Variants in ITPR2 observed in about 807,000 individuals in gnomAD.
ITPR2 encodes inositol 1,4,5-trisphosphate receptor type 2.
ITPR2 carries 207 observed loss-of-function variants against 317.1 expected under a neutral mutation model. The observed-to-expected ratio is 0.65, with a 90% CI of 0.58 to 0.73. ITPR2 has a LOEUF of 0.73. Among genes scored for constraint, ITPR2 ranks in the 30% least tolerant of loss-of-function variants. ITPR2 has a pLI of 0.00. For missense variants in ITPR2, 2,613 were observed against 3,284.0 expected (o/e 0.80, Z 4.99); for synonymous variants, 1,156 against 1,149.1 (o/e 1.01, Z -0.12).
At chr12:26,365,841 C>T (rs1938991902) in intron 55 of ITPR2, among the ~76,000 whole-genome samples, 1 of 152,188 alleles carries the variant, frequency 6.6e-6, no homozygotes, top group Non-Finnish European at 1.5e-5. Flanking sequence ...AACACTGATC[C>T]CACAGCTGCT....
intron 45 of ITPR2, among the ~76,000 whole-genome samples, chr12:26,445,802 G>A (rs1941598538): frequency 6.6e-6 from 1 of 152,154 alleles, no homozygotes; most frequent in Admixed American, 6.6e-5. Context: ...GACTGCAGGT[G>A]TAAGGGAGAC....
chr12:26,754,030 T>C (rs1400016239), intron 2 of ITPR2, among the ~76,000 whole-genome samples: 1 of 152,220 alleles, frequency 6.6e-6, no homozygotes, highest in Admixed American at 6.5e-5. Flanking sequence ...GTGTGATGTT[T>C]ATATATGAAA....
chr12:26,805,236 T>C (rs542062501), intron 1 of ITPR2, among the ~76,000 whole-genome samples: 141 of 152,354 alleles, frequency 9.3e-4, no homozygotes, highest in African/African-American at 3.2e-3. Flanking sequence ...GAAAGTCGTT[T>C]CTCTGGCCTA....
chr12:26,692,493 T>C (rs962385194), intron 10 of ITPR2, among the ~76,000 whole-genome samples: 3 of 152,206 alleles, frequency 2.0e-5, no homozygotes, highest in African/African-American at 7.2e-5. Flanking sequence ...TGGGTAGCGT[T>C]AATTCCAAAA....
intron 52 of ITPR2, among the ~76,000 whole-genome samples, chr12:26,403,954 A>G (rs1440043084): frequency 6.6e-6 from 1 of 152,162 alleles, no homozygotes; most frequent in African/African-American, 2.4e-5. Context: ...TTTGGATTTT[A>G]TTGGGCGGGA....
At chr12:26,408,856 C>T (rs1940445245) in intron 52 of ITPR2, among the ~76,000 whole-genome samples, 1 of 151,996 alleles carries the variant, frequency 6.6e-6, no homozygotes, top group South Asian at 2.1e-4. Context: ...CATGTTGTTA[C>T]AATAAAATAT....
intron 9 of ITPR2, among the ~76,000 whole-genome samples, chr12:26,696,247 T>C (rs946603448): frequency 6.6e-5 from 10 of 152,268 alleles, no homozygotes; most frequent in Middle Eastern, 6.8e-3. Flanking sequence ...ATCTGGCTGG[T>C]TGAAATCCAT....
intron 36 of ITPR2, among the ~76,000 whole-genome samples, chr12:26,554,843 T>C (rs1031284514): frequency 5.3e-5 from 8 of 152,262 alleles, no homozygotes; most frequent in South Asian, 2.1e-4. Context: ...CTCACATGCA[T>C]GTATGTGCAG....
chr12:26,606,641 T>G (rs1946134650), intron 26 of ITPR2, among the ~76,000 whole-genome samples: 1 of 151,870 alleles, frequency 6.6e-6, no homozygotes, highest in African/African-American at 2.4e-5. Flanking sequence ...TAAACTAAAT[T>G]TTAGCACTGG....
intron 26 of ITPR2, among the ~76,000 whole-genome samples, chr12:26,619,743 G>A (rs529981514): frequency 1.3e-5 from 2 of 152,076 alleles, no homozygotes; most frequent in African/African-American, 4.8e-5. Context: ...TTCTTGACTT[G>A]TTGGTAAGTA....
intron 55 of ITPR2, among the ~76,000 whole-genome samples, chr12:26,367,218 A>T (rs1939040249): frequency 1.4e-5 from 2 of 143,412 alleles, no homozygotes; most frequent in South Asian, 4.4e-4. Context: ...TTTATGATGT[A>T]AAAAAATATA....
At chr12:26,546,617 A>G (rs548012246) in intron 37 of ITPR2, among the ~76,000 whole-genome samples, 19 of 152,212 alleles carry the variant, frequency 1.2e-4, no homozygotes, top group Admixed American at 1.2e-3. Context: ...AAAAGAACAA[A>G]GCTGGAGGCA....
chr12:26,578,510 G>T (rs1945325537), intron 34 of ITPR2, among the ~76,000 whole-genome samples: 1 of 152,048 alleles, frequency 6.6e-6, no homozygotes. Context: ...TTAAATTTAA[G>T]ATTTTTAATA....
intron 55 of ITPR2, among the ~76,000 whole-genome samples, chr12:26,341,789 G>C (rs1938121583): frequency 1.3e-5 from 2 of 152,332 alleles, no homozygotes; most frequent in Non-Finnish European, 2.9e-5. Flanking sequence ...TTATGGCTCA[G>C]GACAGCCCTC....
chr12:26,523,702 A>G (rs1013024216), intron 37 of ITPR2, among the ~76,000 whole-genome samples: 2 of 152,212 alleles, frequency 1.3e-5, no homozygotes, highest in African/African-American at 2.4e-5. Flanking sequence ...TGGAATTACA[A>G]AGGCAATTTA....
intron 50 of ITPR2, among the ~76,000 whole-genome samples, chr12:26,418,713 T>A (rs1441017539): frequency 1.3e-5 from 2 of 152,166 alleles, no homozygotes; most frequent in Non-Finnish European, 2.9e-5. Context: ...ACCCCTATTT[T>A]GTCTCCCACA....
At chr12:26,424,553 G>A (rs1940988223) in intron 49 of ITPR2, among the ~76,000 whole-genome samples, 1 of 148,790 alleles carries the variant, frequency 6.7e-6, no homozygotes, top group Admixed American at 6.7e-5. Context: ...GCTTTGTAGT[G>A]AACTTGTTTT....
chr12:26,506,939 A>G (rs1332887711), intron 37 of ITPR2, among the ~76,000 whole-genome samples: 1 of 149,472 alleles, frequency 6.7e-6, no homozygotes, highest in African/African-American at 2.5e-5. Flanking sequence ...ATGTGTCATA[A>G]TTTATAATAG....
At chr12:26,736,886 G>C (rs928235753) in intron 2 of ITPR2, among the ~76,000 whole-genome samples, 8 of 152,170 alleles carry the variant, frequency 5.3e-5, no homozygotes, top group African/African-American at 1.7e-4. Context: ...GTTCAGCAAG[G>C]GGGAAAGCAA....
Sources: gnomAD v4.1 joint callset for allele counts (sites outside exome capture counted in the v4.1 genomes callset) on GRCh38, gnomAD v4.1.1 for gene constraint, MANE v1.5 for transcripts, NCBI Gene and HGNC (gene_info 2026-07-23, HGNC 2026-07-21) for gene names.